ARHGEF1: variants seen among roughly 807,000 people sequenced by gnomAD.
ARHGEF1 encodes the protein Rho guanine nucleotide exchange factor 1, also known as 115 kDa guanine nucleotide exchange factor.
A neutral mutation model predicts 119.7 loss-of-function variants in ARHGEF1; 40 were observed. That is an observed-to-expected ratio of 0.33 (90% CI 0.26 to 0.44). The LOEUF (loss-of-function observed/expected upper bound fraction) is 0.44, where lower values mean the gene tolerates loss of function less well. Among genes scored for constraint, ARHGEF1 ranks in the 20% least tolerant of loss-of-function variants. The pLI is 1.00. For synonymous variants in ARHGEF1, 494 were observed against 521.0 expected, an observed-to-expected ratio of 0.95 and a Z score of 0.71; for missense variants, 976 against 1,268.3, an observed-to-expected ratio of 0.77 and a Z score of 3.50.
chr19:41,888,002 G>C lies in ARHGEF1; in HGVS notation c.-19-62G>C, dbSNP rs1184401627. The stretch of plus-strand genomic sequence containing the variant: ...CTTCACACCTGGGCCAGGAATCTGT[G>C]AGTAACCACCCTGGGCCGCCTCCTC... On this transcript the variant is annotated intron_variant, in intron 1 of 28. Coordinates refer to ENST00000354532, the MANE Select transcript of ARHGEF1 (RefSeq NM_004706.4). The surrounding 1 kb of genome is among the most constrained non-coding windows in gnomAD (Gnocchi z 5.1). The C allele has an allele frequency of 3.2e-6, 5 of 1,556,396 alleles. No homozygotes were observed. The highest frequency in any genetic ancestry group is 4.3e-6 in the Non-Finnish European group (5 of 1,149,748).
chr19:41,929,429 C>T (rs1289560586), intron 2 of ARHGEF1, among the ~76,000 whole-genome samples: 2 of 152,312 alleles, frequency 1.3e-5, no homozygotes, highest in East Asian at 1.9e-4. Context: ...CAGATCTGCT[C>T]CCATTGAAAT....
rs370160335 is a variant in ARHGEF1 at position 41,906,460 on chromosome 19, T to G, written c.2495T>G (p.Leu832Arg). Residue 832 changes from leucine (L) to arginine (R), a missense_variant, in exon 27 of 29, where the codon CTG (leucine) becomes CGG (arginine). Leu to Arg is a moderately radical substitution (Grantham distance 102). Transcript: ENST00000354532. This position sits in a 1 kb window ranked among gnomAD's most constrained non-coding sequence, Gnocchi z 4.5. ...QLAATALRKV[L>R]SLKQLLFPAE... ...ACCCCTCCTTGCCCCTGGCCAGTGC[T>G]GTCCCTGAAGCAGCTTCTGTTTCCG... The G allele has an allele frequency of 3.8e-6, 6 of 1,568,486 alleles. No individual in the cohort carries two copies. The African/African-American group carries it at 8.3e-5, about 22-fold the overall frequency.
rs372121595 is a variant in ARHGEF1, at chr19:41,893,327, C to T, written c.644+24C>T. 2.7e-5 allele frequency: 42 copies of T among 1,578,224 alleles called. No homozygotes were observed. In the African/African-American group the frequency reaches 3.1e-4, roughly 11 times the overall value. On this transcript the variant is annotated intron_variant, in intron 8 of 28. Transcript: ENST00000354532. ...AGGTGAGGGGGGCAGGGGAGGCGTG[C>T]GGCCTCCTGGGTTTGAGGGAGGAGG...
chr19:41,910,084 C>T (rs1445695107), downstream of ARHGEF1: 45 of 1,612,596 alleles, frequency 2.8e-5, 1 homozygote, highest in South Asian at 2.7e-4. The surrounding 1 kb of genome is among the most constrained non-coding windows in gnomAD (Gnocchi z 4.4). Flanking sequence ...AGGCCCAATC[C>T]GGGAAGGCAA....
At chr19:41,919,503 G>A (rs1345541971), upstream of ARHGEF1, among the ~76,000 whole-genome samples, 1 of 140,462 alleles carries the variant, frequency 7.1e-6, no homozygotes, top group Non-Finnish European at 1.5e-5. Flanking sequence ...ACGTGTGCAC[G>A]TGCACGCGTA....
In ARHGEF1 at chr19:41,903,229, C is replaced by T; in HGVS notation, c.1739-78C>T. On this transcript the variant is annotated intron_variant, in intron 18 of 28. Transcript: ENST00000354532. The surrounding 1 kb of genome is among the most constrained non-coding windows in gnomAD (Gnocchi z 4.2). The stretch of plus-strand genomic sequence containing the variant: ...GAGCCACCATGCCCGGCCAGCTGTC[C>T]TTTGTCTAACCTTGGCTGCCCAATC... 2 of 1,360,382 alleles carry T rather than the reference C, an allele frequency of 1.5e-6. No homozygotes were observed. Among genetic ancestry groups the T allele is most frequent in the African/African-American group, 1.4e-5 (1 of 69,706 alleles). 84.3% of individuals were successfully genotyped at this position (1,360,382 alleles called of 1,614,324 possible). A position where few individuals can be genotyped will look rare whatever the true frequency, so the allele number is the denominator to read the frequency against.
intron 13 of ARHGEF1, chr19:41,896,803 C>CCA: frequency 2.3e-6 from 1 of 437,090 alleles, no homozygotes; most frequent in South Asian, 1.7e-5. Flanking sequence ...TCCTCTCTCA[C>CCA]CTCCCCTCTC....
downstream of ARHGEF1, chr19:41,909,379 G>T: frequency 8.1e-7 from 1 of 1,236,794 alleles, no homozygotes. The surrounding 1 kb of genome is among the most constrained non-coding windows in gnomAD (Gnocchi z 5.2). Flanking sequence ...GTCCAGCAGC[G>T]GGTAATTGAC....
At chr19:41,911,578 C>T (rs1328554917), downstream of ARHGEF1, among the ~76,000 whole-genome samples, 1 of 152,152 alleles carries the variant, frequency 6.6e-6, no homozygotes, top group East Asian at 1.9e-4. Context: ...GCCTGAAGGC[C>T]GGGGAGCTCC....
At position 41,889,103 on chromosome 19, in the gene ARHGEF1, G is replaced by A. The variant is rs573576726; in HGVS notation, c.225+238G>A. The A allele has an allele frequency of 8.7e-6, 4 of 461,208 alleles. No homozygotes were observed. The South Asian group carries it at 9.0e-5, about 10-fold the overall frequency. 28.6% of individuals were successfully genotyped at this position (461,208 alleles called of 1,614,324 possible). On this transcript the variant is annotated intron_variant, in intron 4 of 28. Transcript: ENST00000354532. This position sits in a 1 kb window ranked among gnomAD's most constrained non-coding sequence, Gnocchi z 4.0. ...AGTGCGCAGCGGGCAGGGTACACAC[G>A]TCAGGACCCCGCGGAGCCACAGAGA... is the stretch of plus-strand genomic sequence containing the variant.
Position 41,888,657 on chromosome 19 carries a change from G to A in ARHGEF1, c.112-95G>A. 8.3e-7 allele frequency: 1 copy of A among 1,208,884 alleles called. No individual in the cohort carries two copies. The highest frequency in any genetic ancestry group is 1.2e-6 in the Non-Finnish European group (1 of 834,234). 74.9% of individuals were successfully genotyped at this position (1,208,884 alleles called of 1,614,324 possible). On this transcript the variant is annotated intron_variant, in intron 3 of 28. Coordinates refer to ENST00000354532, the MANE Select transcript of ARHGEF1 (RefSeq NM_004706.4). This position sits in a 1 kb window ranked among gnomAD's most constrained non-coding sequence, Gnocchi z 5.1. Reference sequence around the variant, plus strand: ...CCCCACTTCCCAGGAGCTAACCCTGGCTTGGATCCCTTGTGAAGTGCCAGG... The same window carrying A: ...CCCCACTTCCCAGGAGCTAACCCTGACTTGGATCCCTTGTGAAGTGCCAGG...
chr19:41,919,586 C>A (rs1196233698), upstream of ARHGEF1, among the ~76,000 whole-genome samples: 1 of 152,106 alleles, frequency 6.6e-6, no homozygotes, highest in Non-Finnish European at 1.5e-5. Context: ...CTCAGAGACA[C>A]AACAGCAACC....
At chr19:41,896,791 C>CG in intron 13 of ARHGEF1, 1 of 488,606 alleles carries the variant, frequency 2.0e-6, no homozygotes, top group Non-Finnish European at 3.9e-6. Flanking sequence ...TTTATTTCCC[C>CG]CTCCTCTCTC....
intron 14 of ARHGEF1, among the ~76,000 whole-genome samples, chr19:41,899,480 G>A (rs1555848591): frequency 6.6e-6 from 1 of 151,550 alleles, no homozygotes; most frequent in Non-Finnish European, 1.5e-5. Context: ...TGGTGGCTAG[G>A]GAGGCTGGTG....
At position 41,890,000 on chromosome 19, in the gene ARHGEF1, G is replaced by T. The variant is rs2074350615; in HGVS notation, c.225+1135G>T. 1 of 152,164 alleles carries T rather than the reference G, an allele frequency of 6.6e-6. No homozygotes were observed. The highest frequency in any genetic ancestry group is 1.5e-5 in the Non-Finnish European group (1 of 68,054). The allele number at this position is 152,164 out of a possible 1,614,324, so 9.4% of individuals were successfully genotyped here. ...GAGGCCTAGAGAGGGTCAGGGACTTGCCTGAGGTGACCCCGGCGGCCTCTG... is the reference window on the plus strand; with the variant it reads ...GAGGCCTAGAGAGGGTCAGGGACTTTCCTGAGGTGACCCCGGCGGCCTCTG... On this transcript the variant is annotated intron_variant, in intron 4 of 28. Coordinates refer to ENST00000354532, the MANE Select transcript of ARHGEF1 (RefSeq NM_004706.4). This position sits in a 1 kb window ranked among gnomAD's most constrained non-coding sequence, Gnocchi z 4.0.
chr19:41,906,980 T>C lies in ARHGEF1; in HGVS notation c.*18-125T>C, dbSNP rs2074710612. ...TTCTGATAATCTGTTTCTCTGTCTC[T>C]GTGCCCGCCTGCCTCTCCCCACCTC... is the stretch of plus-strand genomic sequence containing the variant. On this transcript the variant is annotated intron_variant, in intron 28 of 28. Transcript: ENST00000354532. This position sits in a 1 kb window ranked among gnomAD's most constrained non-coding sequence, Gnocchi z 4.5. 3.9e-6 allele frequency: 4 copies of C among 1,016,814 alleles called. No individual in the cohort carries two copies. The highest frequency in any genetic ancestry group is 3.4e-5 in the South Asian group (2 of 58,638). The allele number at this position is 1,016,814 out of a possible 1,614,324, so 63.0% of individuals were successfully genotyped here.
Position 41,901,963 on chromosome 19 carries a change from A to G in ARHGEF1, c.1344A>G (p.Glu448=). Residue 448 remains glutamate (E), a synonymous_variant, in exon 15 of 29, where the codon GAA becomes GAG. Transcript: ENST00000354532. The part of the protein sequence containing the change: ...LHDLFFQPMA[E]CLFFPLEELQ... ...ACCTCTTCTTCCAGCCCATGGCAGAATGCCTGTTCTTCCCCTTGGAGGAGC... is the reference window on the plus strand; with the variant it reads ...ACCTCTTCTTCCAGCCCATGGCAGAGTGCCTGTTCTTCCCCTTGGAGGAGC... 1 of 1,614,068 alleles carries G rather than the reference A, an allele frequency of 6.2e-7. No homozygotes were observed. Among genetic ancestry groups the G allele is most frequent in the Non-Finnish European group, 8.5e-7 (1 of 1,180,012 alleles).
In ARHGEF1 at chr19:41,906,894, CCT is replaced by C; in HGVS notation, c.*17+94_*17+95del. On this transcript the variant is annotated intron_variant, in intron 28 of 28. Coordinates refer to ENST00000354532, the MANE Select transcript of ARHGEF1 (RefSeq NM_004706.4). This position sits in a 1 kb window ranked among gnomAD's most constrained non-coding sequence, Gnocchi z 4.5. ...CCCTACAGCCCCTTCTGTCCATCTCCCTCTTTGTCTTTTCTGAATCTCCCCAC... is the reference window on the plus strand; with the variant it reads ...CCCTACAGCCCCTTCTGTCCATCTCCCTTTGTCTTTTCTGAATCTCCCCAC... 1.9e-6 allele frequency: 2 copies of C among 1,079,242 alleles called. No individual in the cohort carries two copies. Among genetic ancestry groups the C allele is most frequent in the Non-Finnish European group, 2.6e-6 (2 of 760,636 alleles). The allele number at this position is 1,079,242 out of a possible 1,614,324, so 66.9% of individuals were successfully genotyped here. A position where few individuals can be genotyped will look rare whatever the true frequency, so the allele number is the denominator to read the frequency against.
rs2074395345 is a variant in ARHGEF1, at chr19:41,892,591, G to A, written c.368-12G>A. The A allele has an allele frequency of 1.3e-6, 2 of 1,574,002 alleles. No individual in the cohort carries two copies. Among genetic ancestry groups the A allele is most frequent in the East Asian group, 2.3e-5 (1 of 44,306 alleles). On this transcript the variant is annotated splice_polypyrimidine_tract_variant and intron_variant, in intron 6 of 28. Coordinates refer to ENST00000354532, the MANE Select transcript of ARHGEF1 (RefSeq NM_004706.4). The surrounding 1 kb of genome is among the most constrained non-coding windows in gnomAD (Gnocchi z 6.3). ...GGGAGCTGGACCCTAGCCCCCATGTGTGTCCCTGCAGACCGCACTAGGGCT... is the reference window on the plus strand; with the variant it reads ...GGGAGCTGGACCCTAGCCCCCATGTATGTCCCTGCAGACCGCACTAGGGCT...
Sources: gnomAD v4.1 joint callset for allele counts (sites outside exome capture counted in the v4.1 genomes callset) on GRCh38, gnomAD v4.1.1 for gene constraint, Gnocchi (gnomAD v3.1) non-coding constraint, MANE v1.5 for transcripts, NCBI Gene and HGNC (gene_info 2026-07-23, HGNC 2026-07-21) for gene names.